The following CHRM3 variants were observed in gnomAD, a reference collection of about 807,000 sequenced individuals.
CHRM3 encodes the protein cholinergic receptor muscarinic 3.
CHRM3 carries 11 observed loss-of-function variants against 41.8 expected under a neutral mutation model. The observed-to-expected ratio is 0.26, with a 90% CI of 0.17 to 0.44. The LOEUF is 0.44. Among genes scored for constraint, CHRM3 ranks in the 20% least tolerant of loss-of-function variants. The pLI is 1.00. For missense variants in CHRM3, 571 were observed against 745.4 expected, an observed-to-expected ratio of 0.77 and a Z score of 2.72; for synonymous variants, 297 against 301.4, an observed-to-expected ratio of 0.99 and a Z score of 0.15.
At chr1:239,488,391 A>T (rs1200356800) in intron 1 of CHRM3, among the ~76,000 whole-genome samples, 1 of 152,108 alleles carries the variant, frequency 6.6e-6, no homozygotes, top group African/African-American at 2.4e-5. Flanking sequence ...ATTATAGTAA[A>T]TCTCTATTGT....
chr1:239,702,602 C>T (rs955695663), intron 5 of CHRM3, among the ~76,000 whole-genome samples: 1 of 152,198 alleles, frequency 6.6e-6, no homozygotes, highest in African/African-American at 2.4e-5. Flanking sequence ...ATTCACCTCT[C>T]ACTTTGCTTT....
chr1:239,464,150 C>A (rs747763473), intron 1 of CHRM3, among the ~76,000 whole-genome samples: 14 of 151,736 alleles, frequency 9.2e-5, no homozygotes, highest in Non-Finnish European at 1.9e-4. Flanking sequence ...TGTGGTGATG[C>A]ACAACTGTAG....
chr1:239,872,585 C>T (rs1047447183), intron 6 of CHRM3, among the ~76,000 whole-genome samples: 3 of 152,186 alleles, frequency 2.0e-5, no homozygotes, highest in Admixed American at 6.5e-5. Context: ...AAATCCTTCC[C>T]TGAGGCAGGC....
chr1:239,579,111 G>T (rs534680912), intron 3 of CHRM3, among the ~76,000 whole-genome samples: 1 of 152,302 alleles, frequency 6.6e-6, no homozygotes, highest in East Asian at 1.9e-4. Context: ...AATATTCGTT[G>T]AGTGAATGAT....
At chr1:239,818,706 G>A (rs957209483) in intron 5 of CHRM3, among the ~76,000 whole-genome samples, 4 of 152,266 alleles carry the variant, frequency 2.6e-5, no homozygotes, top group African/African-American at 9.6e-5. Flanking sequence ...TCTAGAATTA[G>A]GCAACACCTC....
chr1:239,809,640 G>A (rs989485492), intron 5 of CHRM3, among the ~76,000 whole-genome samples: 1 of 152,066 alleles, frequency 6.6e-6, no homozygotes, highest in Non-Finnish European at 1.5e-5. Flanking sequence ...TGGGACTACA[G>A]GTGCACGTCA....
At chr1:239,568,487 T>C (rs1661560709) in intron 3 of CHRM3, among the ~76,000 whole-genome samples, 3 of 152,146 alleles carry the variant, frequency 2.0e-5, no homozygotes, top group Admixed American at 2.0e-4. Flanking sequence ...ACTATGAGTC[T>C]ATTAAACTTC....
chr1:239,734,966 G>A (rs2148450978), intron 5 of CHRM3, among the ~76,000 whole-genome samples: 1 of 152,208 alleles, frequency 6.6e-6, no homozygotes, highest in African/African-American at 2.4e-5. Context: ...CTATTCCATA[G>A]CATGTATTCA....
chr1:239,422,280 A>C (rs1466905333), intron 1 of CHRM3, among the ~76,000 whole-genome samples: 1 of 152,190 alleles, frequency 6.6e-6, no homozygotes, highest in Non-Finnish European at 1.5e-5. Context: ...TATTTTGTGC[A>C]GTAACTTAAT....
At position 239,602,316 on chromosome 1, in the gene CHRM3, A is replaced by G. The variant is rs963444858; in HGVS notation, c.-312-29908A>G. Among the ~76,000 whole-genome samples, 10 of 151,936 alleles carry G rather than the reference A, an allele frequency of 6.6e-5. No homozygotes were observed. In the East Asian group the frequency reaches 1.4e-3, roughly 21 times the overall value. ...TGGACAATTTTAGGTATTGTTATAG[A>G]TGAAGTATCCATTTAAGATTATGAA... On this transcript the variant is annotated intron_variant, in intron 3 of 6. Coordinates refer to ENST00000676153, the MANE Select transcript of CHRM3 (RefSeq NM_001375978.1).
chr1:239,511,714 C>T lies in CHRM3; in HGVS notation c.-422+18907C>T, dbSNP rs187800380. On this transcript the variant is annotated intron_variant, in intron 2 of 6. Coordinates refer to ENST00000676153, the MANE Select transcript of CHRM3 (RefSeq NM_001375978.1). ...AACATTTATTTTAATTAAGTTTAATCGTACAAAGTACAGATTAATACTTAT... is the reference window on the plus strand; with the variant it reads ...AACATTTATTTTAATTAAGTTTAATTGTACAAAGTACAGATTAATACTTAT... 8.3e-4 allele frequency among the ~76,000 whole-genome samples: 127 copies of T among 152,174 alleles called. 1 individual carries two copies. The highest frequency in any genetic ancestry group is 3.9e-4 in the East Asian group (2 of 5,180).
At chr1:239,906,070 A>C (rs958214858) in intron 6 of CHRM3, among the ~76,000 whole-genome samples, 1 of 152,220 alleles carries the variant, frequency 6.6e-6, no homozygotes, top group African/African-American at 2.4e-5. Context: ...GGACTCAAAG[A>C]AGTTAAATAT....
intron 6 of CHRM3, among the ~76,000 whole-genome samples, chr1:239,887,696 C>A (rs903099274): frequency 6.6e-6 from 1 of 151,998 alleles, no homozygotes; most frequent in Non-Finnish European, 1.5e-5. Context: ...ATGAATATGC[C>A]TATCTTTAGT....
At chr1:239,578,844 G>C (rs913533182) in intron 3 of CHRM3, among the ~76,000 whole-genome samples, 1 of 152,084 alleles carries the variant, frequency 6.6e-6, no homozygotes, top group African/African-American at 2.4e-5. Flanking sequence ...TGAGTTCCCC[G>C]AGTGCTTCTT....
chr1:239,586,109 G>C (rs536012030), intron 3 of CHRM3, among the ~76,000 whole-genome samples: 3 of 152,122 alleles, frequency 2.0e-5, no homozygotes, highest in Non-Finnish European at 4.4e-5. Context: ...CCCTCCCGTG[G>C]GAGGCAGACA....
intron 1 of CHRM3, among the ~76,000 whole-genome samples, chr1:239,445,516 C>A (rs561519744): frequency 6.6e-6 from 1 of 152,078 alleles, no homozygotes; most frequent in African/African-American, 2.4e-5. Context: ...GACTGTGTAG[C>A]CACTGTCTAA....
chr1:239,489,664 T>G (rs930114145), intron 1 of CHRM3, among the ~76,000 whole-genome samples: 4 of 152,210 alleles, frequency 2.6e-5, no homozygotes, highest in Non-Finnish European at 4.4e-5. Flanking sequence ...TTGGGGGGCT[T>G]TAAGAATATC....
At chr1:239,676,058 AT>A (rs1224603066) in intron 4 of CHRM3, among the ~76,000 whole-genome samples, 38 of 152,080 alleles carry the variant, frequency 2.5e-4, no homozygotes, top group African/African-American at 8.9e-4. Context: ...CATGCCCACT[AT>A]CCCTGTTTTC....
intron 4 of CHRM3, among the ~76,000 whole-genome samples, chr1:239,644,596 C>G (rs961034985): frequency 6.6e-5 from 10 of 152,132 alleles, no homozygotes; most frequent in Non-Finnish European, 2.9e-5. Context: ...GAAACTTGGT[C>G]TAGAAGCAAC....
Sources: allele counts gnomAD v4.1 joint callset (sites outside exome capture counted in the v4.1 genomes callset), GRCh38; gene constraint gnomAD v4.1.1; transcripts MANE v1.5; gene names NCBI Gene and HGNC (gene_info 2026-07-23, HGNC 2026-07-21).